GMDS: variants seen among roughly 807,000 people sequenced by gnomAD.
GMDS encodes GDP-mannose 4,6 dehydratase.
A neutral mutation model predicts 49.9 loss-of-function variants in GMDS; 20 were observed. That is an observed-to-expected ratio of 0.40 (90% CI 0.28 to 0.58). GMDS has a LOEUF of 0.58. Among genes scored for constraint, GMDS ranks in the 20% least tolerant of loss-of-function variants. The probability of loss-of-function intolerance (pLI) is 0.42; values close to 1 mark genes in which losing one functional copy is unlikely to be tolerated. For missense variants in GMDS, 362 were observed against 481.4 expected (o/e 0.75, Z 2.32); for synonymous variants, 177 against 178.6 (o/e 0.99, Z 0.07).
intron 9 of GMDS, among the ~76,000 whole-genome samples, chr6:1,683,771 G>A (rs1377881234): frequency 1.3e-5 from 2 of 152,234 alleles, no homozygotes; most frequent in African/African-American, 2.4e-5. Context: ...TAACTCGTGA[G>A]ATGAAGTAGT....
intron 7 of GMDS, among the ~76,000 whole-genome samples, chr6:1,780,914 C>T (rs1291202901): frequency 6.6e-6 from 1 of 152,136 alleles, no homozygotes; most frequent in Non-Finnish European, 1.5e-5. Context: ...AAAACTAGAA[C>T]CAGATTTCCC....
chr6:2,122,121 C>T (rs114489335), intron 2 of GMDS, among the ~76,000 whole-genome samples: 640 of 152,238 alleles, frequency 4.2e-3, no homozygotes, highest in Middle Eastern at 0.017. Flanking sequence ...TATGGCAACC[C>T]AGAGAAGCAA....
chr6:1,819,897 A>T (rs1220486075), intron 7 of GMDS, among the ~76,000 whole-genome samples: 1 of 151,424 alleles, frequency 6.6e-6, no homozygotes, highest in Non-Finnish European at 1.5e-5. Context: ...TAAAATCATT[A>T]AAGAAAATAA....
At position 1,624,434 on chromosome 6, in the gene GMDS, C is replaced by T. The variant is rs112281152; in HGVS notation, c.1056+38G>A. 5.7e-6 allele frequency: 9 copies of T among 1,575,036 alleles called. No individual in the cohort carries two copies. The South Asian group carries it at 8.9e-5, about 16-fold the overall frequency. On this transcript the variant is annotated intron_variant, in intron 10 of 10. Transcript: ENST00000380815. ...AGAGCTGCCGCCCTGCAGCCCGGGG[C>T]CCCGCAGCGGGCGGCGTGCGCCCTA...
intron 7 of GMDS, among the ~76,000 whole-genome samples, chr6:1,924,596 A>C (rs1476344787): frequency 2.0e-5 from 3 of 152,218 alleles, no homozygotes; most frequent in African/African-American, 7.2e-5. Flanking sequence ...ATTTATATCA[A>C]AGTGGGATCT....
chr6:2,126,138 G>A lies in GMDS; in HGVS notation c.103-1407C>T, dbSNP rs1410126279. ...AATTAAACTATTTAATAGGTCAAAA[G>A]TTCAAAAATCACCATTCTGTAGGTG... On this transcript the variant is annotated intron_variant, in intron 1 of 10. Transcript: ENST00000380815. Among the ~76,000 whole-genome samples, 5 of 152,144 alleles carry A rather than the reference G, an allele frequency of 3.3e-5. No individual in the cohort carries two copies. In the East Asian group the frequency reaches 9.6e-4, roughly 29 times the overall value.
intron 1 of GMDS, among the ~76,000 whole-genome samples, chr6:2,126,336 G>A (rs918278179): frequency 2.0e-5 from 3 of 152,144 alleles, no homozygotes; most frequent in Non-Finnish European, 4.4e-5. Flanking sequence ...CCTCAGAAGT[G>A]GTTGGGGACG....
chr6:1,875,165 C>T (rs899936434), intron 7 of GMDS, among the ~76,000 whole-genome samples: 12 of 152,096 alleles, frequency 7.9e-5, no homozygotes, highest in Non-Finnish European at 1.8e-4. Context: ...GAGTTCTATT[C>T]AAACAAGTCC....
intron 9 of GMDS, among the ~76,000 whole-genome samples, chr6:1,670,094 C>CA (rs1045011262): frequency 3.3e-5 from 5 of 151,948 alleles, no homozygotes; most frequent in Non-Finnish European, 7.4e-5. Context: ...TGAAACCCAT[C>CA]ACGTCTCCTG....
At chr6:2,209,310 G>T (rs1228811673) in intron 1 of GMDS, among the ~76,000 whole-genome samples, 1 of 152,174 alleles carries the variant, frequency 6.6e-6, no homozygotes, top group East Asian at 1.9e-4. Context: ...ACTAGTTAAG[G>T]AAATAAAAAA....
At chr6:1,746,334 T>G (rs903593794) in intron 7 of GMDS, among the ~76,000 whole-genome samples, 1 of 152,228 alleles carries the variant, frequency 6.6e-6, no homozygotes, top group Non-Finnish European at 1.5e-5. Context: ...CTTATTTACT[T>G]TCAGTCCTGA....
At chr6:1,801,655 G>A (rs946233410) in intron 7 of GMDS, among the ~76,000 whole-genome samples, 11 of 152,348 alleles carry the variant, frequency 7.2e-5, no homozygotes, top group African/African-American at 2.4e-4. Flanking sequence ...CTAAAACGGT[G>A]AGCACACCTG....
chr6:1,888,742 T>C (rs752000754), intron 7 of GMDS, among the ~76,000 whole-genome samples: 5 of 152,168 alleles, frequency 3.3e-5, no homozygotes, highest in Non-Finnish European at 7.3e-5. Context: ...CCCTTCTGCC[T>C]AGAAGCCTGC....
intron 4 of GMDS, among the ~76,000 whole-genome samples, chr6:2,060,921 G>A (rs1273470007): frequency 6.6e-6 from 1 of 152,082 alleles, no homozygotes; most frequent in Non-Finnish European, 1.5e-5. Flanking sequence ...CTGGGAGGCT[G>A]AGGCAGGAGA....
intron 1 of GMDS, among the ~76,000 whole-genome samples, chr6:2,147,959 T>G (rs1004872002): frequency 6.6e-6 from 1 of 151,816 alleles, no homozygotes; most frequent in East Asian, 1.9e-4. Context: ...TGACTCACAT[T>G]TGAAATACGT....
At chr6:1,900,883 G>A (rs941713978) in intron 7 of GMDS, among the ~76,000 whole-genome samples, 6 of 152,180 alleles carry the variant, frequency 3.9e-5, no homozygotes, top group African/African-American at 2.4e-5. Flanking sequence ...AAGCACTCTC[G>A]ATGATATCAC....
At position 1,910,322 on chromosome 6, in the gene GMDS, AAAG is replaced by A. The variant is rs534617333; in HGVS notation, c.771+19778_771+19780del. On this transcript the variant is annotated intron_variant, in intron 7 of 10. Coordinates refer to ENST00000380815, the MANE Select transcript of GMDS (RefSeq NM_001500.4). ...GAATAATAAATGAAACTGAAAAAAA[AAAG>A]AAGATGATACTGGGCTTTATAAATA... Among the ~76,000 whole-genome samples, 417 of 152,198 alleles carry A rather than the reference AAAG, an allele frequency of 2.7e-3. 6 individuals carry two copies. The highest frequency in any genetic ancestry group is 8.4e-3 in the African/African-American group (349 of 41,534).
intron 9 of GMDS, among the ~76,000 whole-genome samples, chr6:1,656,038 T>C (rs746925147): frequency 6.6e-6 from 1 of 151,870 alleles, no homozygotes; most frequent in Non-Finnish European, 1.5e-5. Flanking sequence ...ACACAGAGAG[T>C]GCGTGGTGGA....
At chr6:2,135,319 G>T (rs572408142) in intron 1 of GMDS, among the ~76,000 whole-genome samples, 1 of 151,908 alleles carries the variant, frequency 6.6e-6, no homozygotes, top group Non-Finnish European at 1.5e-5. Context: ...ACTAAACAAC[G>T]TGCTACTGTG....
Sources: gnomAD v4.1 joint callset for allele counts (sites outside exome capture counted in the v4.1 genomes callset) on GRCh38, gnomAD v4.1.1 for gene constraint, MANE v1.5 for transcripts, NCBI Gene and HGNC (gene_info 2026-07-23, HGNC 2026-07-21) for gene names.